Variants in INPP4B observed in about 807,000 individuals in gnomAD.
The protein encoded by INPP4B is inositol polyphosphate 4-phosphatase type II.
A neutral mutation model predicts 122.5 loss-of-function variants in INPP4B; 55 were observed. The ratio of observed to expected loss-of-function variants is 0.45; its 90% CI spans 0.36 to 0.56. The LOEUF (loss-of-function observed/expected upper bound fraction) is 0.56. INPP4B is among the 20% of genes least tolerant of loss of function. The probability of loss-of-function intolerance (pLI) is 0.00; values close to 1 mark genes in which losing one functional copy is unlikely to be tolerated. For missense variants in INPP4B, 1,000 were observed against 1,097.7 expected, an observed-to-expected ratio of 0.91 and a Z score of 1.26; for synonymous variants, 403 against 388.7, an observed-to-expected ratio of 1.04 and a Z score of -0.43.
At position 142,405,335 on chromosome 4, in the gene INPP4B, C is replaced by T; in HGVS notation, c.137-11G>A. On this transcript the variant is annotated splice_polypyrimidine_tract_variant and intron_variant, in intron 5 of 25. Transcript: ENST00000262992. ...CGAGATCCTTGCATGCTGGCAACGG[C>T]AGAGGAGACAGAAAGAAAAGAAACT... is the stretch of plus-strand genomic sequence containing the variant. 1 of 1,480,444 alleles carries T rather than the reference C, an allele frequency of 6.8e-7. No individual in the cohort carries two copies. Among genetic ancestry groups the T allele is most frequent in the South Asian group, 1.1e-5 (1 of 88,434 alleles). 91.7% of individuals were successfully genotyped at this position (1,480,444 alleles called of 1,614,324 possible).
chr4:142,373,425 T>C (rs1159948857), intron 7 of INPP4B, among the ~76,000 whole-genome samples: 1 of 151,974 alleles, frequency 6.6e-6, no homozygotes, highest in African/African-American at 2.4e-5. Flanking sequence ...GAACAATAAA[T>C]AATATTTACT....
At chr4:142,597,202 T>A (rs566763594) in intron 2 of INPP4B, among the ~76,000 whole-genome samples, 1 of 152,244 alleles carries the variant, frequency 6.6e-6, no homozygotes, top group Non-Finnish European at 1.5e-5. Context: ...TAGGAGTTCC[T>A]GTTTATTATT....
chr4:142,507,713 G>T (rs1824200330), intron 2 of INPP4B, among the ~76,000 whole-genome samples: 1 of 152,034 alleles, frequency 6.6e-6, no homozygotes, highest in African/African-American at 2.4e-5. Flanking sequence ...GATGTGAGTT[G>T]CCAGCTCTAC....
At chr4:142,791,674 T>C (rs778585738) in intron 1 of INPP4B, among the ~76,000 whole-genome samples, 1 of 152,080 alleles carries the variant, frequency 6.6e-6, no homozygotes, top group Non-Finnish European at 1.5e-5. Flanking sequence ...AATTTCCTAA[T>C]ACCTCGGCCC....
chr4:142,023,428 C>A lies in INPP4B; in HGVS notation c.*5354G>T, dbSNP rs994896108. On this transcript the variant is annotated 3_prime_UTR_variant, in exon 26 of 26. Transcript: ENST00000262992. ...TAGATTAAATAAAATTATAAAATAT[C>A]CACACGAGAAGTATGTGTATACAAA... The A allele has an allele frequency of 8.6e-5, 13 of 152,046 alleles. No individual in the cohort carries two copies. Among genetic ancestry groups the A allele is most frequent in the African/African-American group, 2.9e-4 (12 of 41,422 alleles). The allele number at this position is 152,046 out of a possible 1,614,324, so 9.4% of individuals were successfully genotyped here.
intron 1 of INPP4B, among the ~76,000 whole-genome samples, chr4:142,728,555 T>C (rs1348583218): frequency 2.0e-5 from 3 of 152,048 alleles, no homozygotes; most frequent in Admixed American, 1.3e-4. Flanking sequence ...CTGGCAACCT[T>C]ATAAGAAGAG....
At chr4:142,795,517 G>T (rs1580935228) in intron 1 of INPP4B, 2 of 151,982 alleles carry the variant, frequency 1.3e-5, no homozygotes, top group African/African-American at 4.8e-5. Flanking sequence ...TAGTGCTGTT[G>T]TAAGTTCCTC....
intron 7 of INPP4B, among the ~76,000 whole-genome samples, chr4:142,379,253 C>T (rs1020369450): frequency 7.9e-5 from 12 of 152,126 alleles, no homozygotes; most frequent in Admixed American, 7.9e-4. Context: ...GACCAATATC[C>T]TTGTGAATTC....
chr4:142,391,826 G>C (rs1797787435), intron 7 of INPP4B, among the ~76,000 whole-genome samples: 1 of 152,100 alleles, frequency 6.6e-6, no homozygotes, highest in Admixed American at 6.5e-5. Flanking sequence ...AACAATCAAA[G>C]CTTCAGGTAC....
At chr4:142,349,205 C>A (rs1252884652) in intron 7 of INPP4B, among the ~76,000 whole-genome samples, 1 of 152,018 alleles carries the variant, frequency 6.6e-6, no homozygotes, top group Non-Finnish European at 1.5e-5. Context: ...TAAACTTTAA[C>A]ACCACAGAAG....
intron 2 of INPP4B, among the ~76,000 whole-genome samples, chr4:142,704,623 G>A (rs545152931): frequency 1.3e-5 from 2 of 152,100 alleles, no homozygotes; most frequent in African/African-American, 4.8e-5. Context: ...TGCTCTGTAC[G>A]ATATCCTTCC....
At chr4:142,608,111 T>C (rs1741668232) in intron 2 of INPP4B, among the ~76,000 whole-genome samples, 1 of 152,136 alleles carries the variant, frequency 6.6e-6, no homozygotes, top group Non-Finnish European at 1.5e-5. Flanking sequence ...TTTAAATAAA[T>C]GAATGAATCA....
intron 7 of INPP4B, among the ~76,000 whole-genome samples, chr4:142,336,431 C>CA (rs775184852): frequency 9.9e-5 from 15 of 152,248 alleles, no homozygotes; most frequent in Non-Finnish European, 1.8e-4. Flanking sequence ...AGAGCTGTAA[C>CA]ATGCCCCTAT....
intron 7 of INPP4B, among the ~76,000 whole-genome samples, chr4:142,375,080 C>T (rs1332274401): frequency 2.6e-5 from 4 of 151,828 alleles, no homozygotes; most frequent in African/African-American, 9.7e-5. Flanking sequence ...TAATCACTCA[C>T]TCCTTAATCT....
intron 7 of INPP4B, among the ~76,000 whole-genome samples, chr4:142,353,182 T>A (rs1782460173): frequency 6.6e-6 from 1 of 152,030 alleles, no homozygotes. Flanking sequence ...TCTACTTTCA[T>A]CTTATTAAAA....
chr4:142,076,244 C>T (rs1025335081), intron 25 of INPP4B, among the ~76,000 whole-genome samples: 14 of 152,016 alleles, frequency 9.2e-5, no homozygotes, highest in African/African-American at 2.2e-4. Flanking sequence ...AGAAGATCGA[C>T]GAAAATTAGC....
intron 17 of INPP4B, among the ~76,000 whole-genome samples, chr4:142,146,496 A>T (rs915454992): frequency 2.0e-5 from 3 of 152,102 alleles, no homozygotes; most frequent in Non-Finnish European, 4.4e-5. Flanking sequence ...GAACTTTTTC[A>T]TCTTCCTAGA....
intron 25 of INPP4B, among the ~76,000 whole-genome samples, chr4:142,074,058 C>T (rs1031516356): frequency 1.3e-5 from 2 of 152,070 alleles, no homozygotes; most frequent in Non-Finnish European, 2.9e-5. Flanking sequence ...GATGCATTCT[C>T]TGTCCAAACC....
At chr4:142,256,833 G>A (rs1736424206) in intron 11 of INPP4B, among the ~76,000 whole-genome samples, 1 of 152,044 alleles carries the variant, frequency 6.6e-6, no homozygotes, top group Non-Finnish European at 1.5e-5. Context: ...GAAAAAGAGG[G>A]AATCCTCCCT....
Sources: gnomAD v4.1 joint callset for allele counts (sites outside exome capture counted in the v4.1 genomes callset) on GRCh38, gnomAD v4.1.1 for gene constraint, MANE v1.5 for transcripts, NCBI Gene and HGNC (gene_info 2026-07-23, HGNC 2026-07-21) for gene names.